Variants in DPP3 observed in about 807,000 individuals in gnomAD.
DPP3 encodes DPP III.
In DPP3, 64 loss-of-function variants were observed where a neutral mutation model predicts 89.8. That is an observed-to-expected ratio of 0.71 (90% CI 0.58 to 0.88). The LOEUF (loss-of-function observed/expected upper bound fraction) is 0.88, where lower values mean the gene tolerates loss of function less well. Ranked by LOEUF, DPP3 falls within the 40% of genes least tolerant of loss-of-function variation. The pLI, the probability that DPP3 is intolerant of heterozygous loss-of-function variation, is 0.00. For missense variants in DPP3, 835 were observed against 972.5 expected (o/e 0.86, Z 1.88); for synonymous variants, 377 against 404.3 (o/e 0.93, Z 0.81).
chr11:66,495,034 ACAGGGCT>A (rs1238666341), intron 12 of DPP3, among the ~76,000 whole-genome samples, 165 bp from the exon 13 acceptor site: 1 of 152,206 alleles, frequency 6.6e-6, no homozygotes, highest in Non-Finnish European at 1.5e-5. Context: ...AGCCAGCGTC[ACAGGGCT>A]CAGGGCTGTG....
intron 17 of DPP3, among the ~76,000 whole-genome samples, chr11:66,505,803 A>T (rs1046944484): frequency 6.8e-6 from 1 of 147,734 alleles, no homozygotes; most frequent in Non-Finnish European, 1.5e-5. Context: ...CAAGACCTCA[A>T]CTCTTTAAAA....
At chr11:66,497,581 A>T (rs1855572105) in intron 16 of DPP3, 104 bp downstream of exon 16, 2 of 1,430,604 alleles carry the variant, frequency 1.4e-6, no homozygotes, top group African/African-American at 2.9e-5. Flanking sequence ...CTTATGCTGC[A>T]GTGAGGAAAG....
At chr11:66,503,653 G>A (rs1043114829) in intron 16 of DPP3, among the ~76,000 whole-genome samples, 6 of 152,118 alleles carry the variant, frequency 3.9e-5, no homozygotes, top group South Asian at 2.1e-4. Flanking sequence ...TTGGGAGGCC[G>A]GGGCGGGGCA....
intron 15 of DPP3, 21 bp from the exon 16 acceptor site, chr11:66,497,275 CTG>C (rs1855562476): frequency 6.2e-7 from 1 of 1,607,822 alleles, no homozygotes; most frequent in Non-Finnish European, 8.5e-7. Flanking sequence ...GCTACAAATG[CTG>C]TCTTTCCCCT....
Position 66,482,453 on chromosome 11 carries a change from A to C in DPP3, c.253A>C (p.Thr85Pro). The C allele has an allele frequency of 1.2e-6, 2 of 1,605,950 alleles. No individual in the cohort carries two copies. The highest frequency in any genetic ancestry group is 1.7e-6 in the Non-Finnish European group (2 of 1,179,912). ...CCAACATGCCCTGGCTGAAGGCCTT[A>C]CCGAGGAGGAGTATCAGGTCAGTTC... is the stretch of plus-strand genomic sequence containing the variant. ...LRQHALAEGL[T>P]EEEYQAFLVY... The change falls in exon 2 of 18, where the codon ACC becomes CCC. Residue 85 changes from threonine (T) to proline (P), a missense_variant. By Grantham distance (38) the Thr-to-Pro change is conservative. Coordinates refer to ENST00000531863, the MANE Select transcript of DPP3 (RefSeq NM_130443.4).
In DPP3 at chr11:66,485,168, C is replaced by T. The variant is rs187082477; in HGVS notation, c.271-5C>T. 4 of 1,614,100 alleles carry T rather than the reference C, an allele frequency of 2.5e-6. No individual in the cohort carries two copies. The highest frequency in any genetic ancestry group is 1.7e-5 in the Admixed American group (1 of 60,014). ...CTGGGTCTCTGATGCCTGCCTCCCC[C>T]TCAGGCGTTCCTGGTCTATGCCGCG... is the stretch of plus-strand genomic sequence containing the variant. On this transcript the variant is annotated splice_polypyrimidine_tract_variant and splice_region_variant and intron_variant, in intron 2 of 17. Transcript: ENST00000531863.
At chr11:66,507,117 C>T (rs1371443569) in intron 17 of DPP3, among the ~76,000 whole-genome samples, 2 of 152,012 alleles carry the variant, frequency 1.3e-5, no homozygotes, top group Non-Finnish European at 2.9e-5. Flanking sequence ...GGGGGAGCCA[C>T]TAGGGATCCG....
intron 16 of DPP3, 36 bp downstream of exon 16, chr11:66,497,513 C>G: frequency 1.3e-6 from 2 of 1,594,894 alleles, no homozygotes; most frequent in Non-Finnish European, 1.7e-6. Context: ...GGGTCCCCAC[C>G]AACCTCTCCA....
At chr11:66,493,246 C>A in intron 11 of DPP3, 67 bp downstream of exon 11, 1 of 1,358,234 alleles carries the variant, frequency 7.4e-7, no homozygotes, top group Non-Finnish European at 1.0e-6. Flanking sequence ...GGAAGAGAGA[C>A]AGCCCAGAGC....
chr11:66,482,584 A>C, intron 2 of DPP3, 114 bp downstream of exon 2: 2 of 1,431,296 alleles, frequency 1.4e-6, no homozygotes, highest in Non-Finnish European at 1.9e-6. Flanking sequence ...CAAAGGTTAC[A>C]AATTCAGGCA....
Position 66,482,234 on chromosome 11 carries a change from A to G in DPP3, c.34A>G (p.Ile12Val), listed in dbSNP as rs149689390. The G allele has an allele frequency of 3.4e-5, 55 of 1,614,032 alleles. No homozygotes were observed. In the African/African-American group the frequency reaches 6.5e-4, roughly 19 times the overall value. ...CACCCAGTACATCCTGCCCAATGAC[A>G]TCGGCGTGTCTAGCCTGGACTGCCG... ...ADTQYILPND[I>V]GVSSLDCREA... is the part of the protein sequence containing the mutation. Residue 12 changes from isoleucine to valine, a missense_variant, in exon 2 of 18, where the codon ATC becomes GTC. Coordinates refer to ENST00000531863, the MANE Select transcript of DPP3 (RefSeq NM_130443.4).
rs1437422173 is a variant in DPP3 at position 66,482,362 on chromosome 11, T to A, written c.162T>A (p.Pro54=). 6.2e-7 allele frequency: 1 copy of A among 1,612,750 alleles called. No homozygotes were observed. Among genetic ancestry groups the A allele is most frequent in the African/African-American group, 1.3e-5 (1 of 74,938 alleles). Residue 54 remains proline (P), a synonymous_variant, in exon 2 of 18, where the codon CCT becomes CCA. Coordinates refer to ENST00000531863, the MANE Select transcript of DPP3 (RefSeq NM_130443.4). ...GGLAVLLQTS[P]EAPYIYALLS... Reference sequence around the variant, plus strand: ...TGGCTGTGCTGCTTCAGACCTCCCCTGAGGCCCCCTACATCTATGCTCTGC... The same window carrying A: ...TGGCTGTGCTGCTTCAGACCTCCCCAGAGGCCCCCTACATCTATGCTCTGC...
intron 2 of DPP3, among the ~76,000 whole-genome samples, chr11:66,484,524 T>A (rs1272585193): frequency 6.6e-6 from 1 of 152,048 alleles, no homozygotes; most frequent in Non-Finnish European, 1.5e-5. Flanking sequence ...CAGAGGCTCT[T>A]TGCCAATGGG....
intron 16 of DPP3, among the ~76,000 whole-genome samples, chr11:66,502,278 T>C (rs531151259): frequency 2.1e-4 from 32 of 150,698 alleles, no homozygotes; most frequent in African/African-American, 7.8e-4. Flanking sequence ...CTGAACTAAC[T>C]CTGAGGTGAG....
intron 1 of DPP3, chr11:66,480,692 G>A: frequency 2.2e-6 from 1 of 444,786 alleles, no homozygotes; most frequent in Non-Finnish European, 3.8e-6. Flanking sequence ...GGCCGGGGCA[G>A]GGCGAGGAGG....
intron 17 of DPP3, among the ~76,000 whole-genome samples, chr11:66,507,140 G>T (rs1298213847): frequency 6.6e-6 from 1 of 152,076 alleles, no homozygotes; most frequent in Non-Finnish European, 1.5e-5. Flanking sequence ...GGTGATCACA[G>T]CTCACTGGGG....
intron 1 of DPP3, 26 bp from the exon 2 acceptor site, chr11:66,482,167 G>T: frequency 6.2e-7 from 1 of 1,611,460 alleles, no homozygotes; most frequent in South Asian, 1.1e-5. Flanking sequence ...GTAAACAACA[G>T]CTGTGATGAC....
intron 15 of DPP3, among the ~76,000 whole-genome samples, chr11:66,496,008 C>T (rs1057338851): frequency 7.2e-5 from 11 of 152,172 alleles, no homozygotes; most frequent in African/African-American, 2.2e-4. Flanking sequence ...TCGCAGTTGA[C>T]GCACTCTCTG....
chr11:66,483,388 G>T (rs967474652), intron 2 of DPP3, among the ~76,000 whole-genome samples: 1 of 152,160 alleles, frequency 6.6e-6, no homozygotes, highest in Admixed American at 6.5e-5. Flanking sequence ...TATGCATGGT[G>T]AATCAGTTCC....
Sources: gnomAD v4.1 joint callset for allele counts (sites outside exome capture counted in the v4.1 genomes callset) on GRCh38, gnomAD v4.1.1 for gene constraint, MANE v1.5 for transcripts, NCBI Gene and HGNC (gene_info 2026-07-23, HGNC 2026-07-21) for gene names.